The following GABRB1 variants were observed in gnomAD, a reference collection of about 807,000 sequenced individuals.
GABRB1 encodes the protein gamma-aminobutyric acid receptor subunit beta-1.
GABRB1 carries 17 observed loss-of-function variants against 51.6 expected under a neutral mutation model. That is an observed-to-expected ratio of 0.33 (90% confidence interval 0.23 to 0.49). The LOEUF (loss-of-function observed/expected upper bound fraction) is 0.49, where lower values mean the gene tolerates loss of function less well. Among genes scored for constraint, GABRB1 ranks in the 20% least tolerant of loss-of-function variants. GABRB1 has a pLI of 0.99. For synonymous variants in GABRB1, 247 were observed against 218.9 expected (o/e 1.13, Z -1.14); for missense variants, 410 against 600.6 (o/e 0.68, Z 3.32).
In GABRB1 at chr4:47,155,723, A is replaced by C. The variant is rs560136796; in HGVS notation, c.241-5526A>C. On this transcript the variant is annotated intron_variant, in intron 3 of 8. Coordinates refer to ENST00000295454, the MANE Select transcript of GABRB1 (RefSeq NM_000812.4). ...TTCCTATTCCAAATGCTAGATAATTAATGGATTTTAATAAAATGATTTCTT... is the reference window on the plus strand; with the variant it reads ...TTCCTATTCCAAATGCTAGATAATTCATGGATTTTAATAAAATGATTTCTT... Among the ~76,000 whole-genome samples, 31 of 151,846 alleles carry C rather than the reference A, an allele frequency of 2.0e-4. No individual in the cohort carries two copies. The South Asian group carries it at 5.8e-3, about 29-fold the overall frequency.
intron 3 of GABRB1, among the ~76,000 whole-genome samples, chr4:47,089,437 C>T (rs1728209463): frequency 6.6e-6 from 1 of 152,172 alleles, no homozygotes; most frequent in African/African-American, 2.4e-5. Flanking sequence ...AGACTATTTC[C>T]TCATTTGGAA....
intron 3 of GABRB1, among the ~76,000 whole-genome samples, chr4:47,065,732 G>T (rs1490370671): frequency 6.6e-6 from 1 of 152,072 alleles, no homozygotes; most frequent in African/African-American, 2.4e-5. Context: ...ATGTTTTCAT[G>T]TCCTTAAGGC....
chr4:47,032,721 G>C, intron 3 of GABRB1: 1 of 703,164 alleles, frequency 1.4e-6, no homozygotes, highest in Middle Eastern at 2.3e-4. Flanking sequence ...TGGGAAGGAC[G>C]AGTGACTGTT....
intron 5 of GABRB1, among the ~76,000 whole-genome samples, chr4:47,356,369 A>G (rs1416538431): frequency 6.6e-6 from 1 of 152,192 alleles, no homozygotes; most frequent in Non-Finnish European, 1.5e-5. Context: ...GTATTTAGGG[A>G]TGTCAGTTTG....
intron 4 of GABRB1, among the ~76,000 whole-genome samples, chr4:47,295,697 C>A (rs578175471): frequency 2.0e-5 from 3 of 152,234 alleles, no homozygotes; most frequent in African/African-American, 7.2e-5. Flanking sequence ...GGATATTATC[C>A]AGGAGAAAGT....
intron 8 of GABRB1, among the ~76,000 whole-genome samples, chr4:47,425,388 C>CACACACAT (rs1399449366): frequency 4.6e-5 from 7 of 150,672 alleles, no homozygotes; most frequent in African/African-American, 1.7e-4. Flanking sequence ...CACACACACA[C>CACACACAT]ACACACACAC....
chr4:47,129,379 ACT>A (rs1266343534), intron 3 of GABRB1, among the ~76,000 whole-genome samples: 3 of 152,182 alleles, frequency 2.0e-5, no homozygotes, highest in Admixed American at 6.5e-5. Flanking sequence ...TCAAACATGC[ACT>A]GTCACCTTAA....
chr4:47,058,717 C>T (rs1726725063), intron 3 of GABRB1, among the ~76,000 whole-genome samples: 1 of 152,108 alleles, frequency 6.6e-6, no homozygotes. Context: ...TTGCAGTTCC[C>T]AGTAAGGTTT....
At chr4:47,215,238 C>G (rs1578007513) in intron 4 of GABRB1, among the ~76,000 whole-genome samples, 1 of 151,978 alleles carries the variant, frequency 6.6e-6, no homozygotes, top group East Asian at 1.9e-4. Flanking sequence ...AGGTGAAGTG[C>G]ATGTTTTATA....
At chr4:47,309,262 G>GT (rs36085340) in intron 4 of GABRB1, among the ~76,000 whole-genome samples, 58,545 of 151,026 alleles carry the variant, frequency 0.39, 11,458 homozygotes, top group East Asian at 0.59. Flanking sequence ...ATCCTTTAAA[G>GT]TTTTTTTTTG....
At chr4:47,101,223 A>AT (rs1714706982) in intron 3 of GABRB1, among the ~76,000 whole-genome samples, 1 of 151,988 alleles carries the variant, frequency 6.6e-6, no homozygotes, top group South Asian at 2.1e-4. Flanking sequence ...CCCTGTAAAT[A>AT]TTTTTTGGAT....
At chr4:47,362,188 G>A (rs141272755) in intron 5 of GABRB1, among the ~76,000 whole-genome samples, 1 of 152,166 alleles carries the variant, frequency 6.6e-6, no homozygotes, top group African/African-American at 2.4e-5. Flanking sequence ...AAATGCTGCT[G>A]ACTGGTCAAA....
chr4:47,212,953 G>A (rs1720422576), intron 4 of GABRB1, among the ~76,000 whole-genome samples: 1 of 152,140 alleles, frequency 6.6e-6, no homozygotes, highest in Non-Finnish European at 1.5e-5. Flanking sequence ...TGATGACATG[G>A]ATAAACTCTG....
At chr4:47,015,064 AC>A (rs1407258228) in intron 1 of GABRB1, among the ~76,000 whole-genome samples, 2 of 151,962 alleles carry the variant, frequency 1.3e-5, no homozygotes, top group African/African-American at 4.8e-5. Flanking sequence ...ACGCCACCAC[AC>A]CCGGCTAATT....
intron 4 of GABRB1, among the ~76,000 whole-genome samples, chr4:47,255,237 G>A (rs1722153547): frequency 6.6e-6 from 1 of 152,192 alleles, no homozygotes; most frequent in Non-Finnish European, 1.5e-5. Flanking sequence ...TTTAAATAGA[G>A]TTCACATCAT....
intron 3 of GABRB1, among the ~76,000 whole-genome samples, chr4:47,047,120 T>C (rs1257981497): frequency 2.0e-5 from 3 of 151,964 alleles, no homozygotes; most frequent in Non-Finnish European, 4.4e-5. Flanking sequence ...TAAGAAACTT[T>C]CACATGTACT....
chr4:47,039,263 C>A (rs1373856356), intron 3 of GABRB1, among the ~76,000 whole-genome samples: 1 of 150,724 alleles, frequency 6.6e-6, no homozygotes, highest in Non-Finnish European at 1.5e-5. Flanking sequence ...CTGTCTCTCA[C>A]ATCCCCGATA....
upstream of GABRB1, among the ~76,000 whole-genome samples, chr4:47,028,812 T>TAC (rs1461412561): frequency 1.3e-5 from 2 of 148,754 alleles, no homozygotes; most frequent in Non-Finnish European, 3.0e-5. Context: ...TGTGTATATA[T>TAC]ATGTATATAT....
chr4:47,239,138 C>T (rs902472931), intron 4 of GABRB1, among the ~76,000 whole-genome samples: 3 of 152,122 alleles, frequency 2.0e-5, no homozygotes, highest in African/African-American at 4.8e-5. Flanking sequence ...AAATGTTCAG[C>T]TTGATGCAGT....
Sources: allele counts gnomAD v4.1 joint callset (sites outside exome capture counted in the v4.1 genomes callset), GRCh38; gene constraint gnomAD v4.1.1; transcripts MANE v1.5; gene names NCBI Gene and HGNC (gene_info 2026-07-23, HGNC 2026-07-21).